SORT1: variants seen among roughly 807,000 people sequenced by gnomAD.
SORT1 encodes sortilin.
SORT1 carries 39 observed loss-of-function variants against 101.7 expected under a neutral mutation model. The observed-to-expected ratio is 0.38, with a 90% CI of 0.30 to 0.50. The LOEUF (loss-of-function observed/expected upper bound fraction) is 0.50, where lower values mean the gene tolerates loss of function less well. SORT1 is among the 20% of genes least tolerant of loss of function. The pLI, the probability that SORT1 is intolerant of heterozygous loss-of-function variation, is 0.90. For synonymous variants in SORT1, 396 were observed against 393.7 expected (o/e 1.01, Z -0.07); for missense variants, 878 against 1,040.4 (o/e 0.84, Z 2.15).
rs956982252 is a variant in SORT1, at chr1:109,397,864, C to T, written c.29G>A (p.Gly10Asp). The change falls in exon 1 of 20, where the codon GGC becomes GAC. Residue 10 changes from glycine (G) to aspartate (D), a missense_variant. This residue lies in a region of SORT1 where 194 missense variants were observed against 145.9 expected (regional missense o/e 1.33). Coordinates refer to ENST00000256637, the MANE Select transcript of SORT1 (RefSeq NM_002959.7). ...GAGGCCATGGGGCCAGCGCGAGAGGCCGTCCGCAGCTCCCCAGGGCCGCTC... is the reference window on the plus strand; with the variant it reads ...GAGGCCATGGGGCCAGCGCGAGAGGTCGTCCGCAGCTCCCCAGGGCCGCTC... Reference protein sequence around the residue: MERPWGAADGLSRWPHGLGL... With the variant: MERPWGAADDLSRWPHGLGL... The T allele has an allele frequency of 1.5e-5, 19 of 1,274,116 alleles. No homozygotes were observed. The highest frequency in any genetic ancestry group is 1.7e-5 in the Non-Finnish European group (17 of 1,000,054). 78.9% of individuals were successfully genotyped at this position (1,274,116 alleles called of 1,614,324 possible).
intron 17 of SORT1, among the ~76,000 whole-genome samples, chr1:109,316,417 G>A (rs752190382): frequency 3.9e-5 from 6 of 152,076 alleles, no homozygotes; most frequent in Admixed American, 2.6e-4. Context: ...ATTTTTAGCA[G>A]AGACAGGGTT....
intron 1 of SORT1, among the ~76,000 whole-genome samples, chr1:109,393,826 C>A (rs1306000101): frequency 1.3e-5 from 2 of 151,822 alleles, no homozygotes; most frequent in Non-Finnish European, 2.9e-5. Flanking sequence ...TAACTCATTA[C>A]AAATACAATA....
chr1:109,364,669 G>C (rs1650963496), intron 3 of SORT1, among the ~76,000 whole-genome samples: 1 of 152,194 alleles, frequency 6.6e-6, no homozygotes, highest in Non-Finnish European at 1.5e-5. Context: ...AGGGGCTAGG[G>C]GGTGCAGTGT....
chr1:109,340,835 C>T lies in SORT1; in HGVS notation c.1153G>A (p.Val385Ile). 1 of 1,613,876 alleles carries T rather than the reference C, an allele frequency of 6.2e-7. No homozygotes were observed. The highest frequency in any genetic ancestry group is 8.5e-7 in the Non-Finnish European group (1 of 1,179,898). ...TGTCGGTCCAAAGACTTGGAATAGACAATGCCTCGATCATCTGAGGTAAAG... is the reference window on the plus strand; with the variant it reads ...TGTCGGTCCAAAGACTTGGAATAGATAATGCCTCGATCATCTGAGGTAAAG... ...TIFTSDDRGI[V>I]YSKSLDRHLY... The change falls in exon 10 of 20, where the codon GTC becomes ATC. Residue 385 changes from valine (V) to isoleucine (I), a missense_variant. Val to Ile is a conservative substitution (Grantham distance 29). Coordinates refer to ENST00000256637, the MANE Select transcript of SORT1 (RefSeq NM_002959.7).
rs1218939949 is a variant in SORT1, at chr1:109,313,728, C to T, written c.*315G>A. 8 of 393,860 alleles carry T rather than the reference C, an allele frequency of 2.0e-5. No individual in the cohort carries two copies. In the East Asian group the frequency reaches 2.5e-4, roughly 13 times the overall value. The allele number at this position is 393,860 out of a possible 1,614,324, so 24.4% of individuals were successfully genotyped here. A position where few individuals can be genotyped will look rare whatever the true frequency, so the allele number is the denominator to read the frequency against. On this transcript the variant is annotated 3_prime_UTR_variant, in exon 20 of 20. Transcript: ENST00000256637. Reference sequence around the variant, plus strand: ...AGTGGGGTTAGTGAAAAGGTCCCTTCGAATTCCATTTCGTTTCCCTTAAAA... The same window carrying T: ...AGTGGGGTTAGTGAAAAGGTCCCTTTGAATTCCATTTCGTTTCCCTTAAAA...
In SORT1 at chr1:109,332,450, G is replaced by A. The variant is rs59030983; in HGVS notation, c.1371+3790C>T. Reference sequence around the variant, plus strand: ...AGTACCAAAATTAGACAGGTGTGGTGGTACACACCTAGCTACTTGGGACGT... The same window carrying A: ...AGTACCAAAATTAGACAGGTGTGGTAGTACACACCTAGCTACTTGGGACGT... On this transcript the variant is annotated intron_variant, in intron 11 of 19. Transcript: ENST00000256637. Among the ~76,000 whole-genome samples, 765 of 152,164 alleles carry A rather than the reference G, an allele frequency of 5.0e-3. 10 individuals are homozygous for A. Among genetic ancestry groups the A allele is most frequent in the African/African-American group, 0.018 (735 of 41,500 alleles).
chr1:109,314,212 G>T, intron 19 of SORT1, 49 bp downstream of exon 19: 3 of 1,175,520 alleles, frequency 2.6e-6, no homozygotes, highest in Non-Finnish European at 3.6e-6. Context: ...TTATTTTCTT[G>T]TATTTTTTGG....
chr1:109,393,008 G>A (rs1463980797), intron 1 of SORT1: 12 of 985,298 alleles, frequency 1.2e-5, no homozygotes, highest in East Asian at 1.1e-4. Flanking sequence ...AGGAAGTTCC[G>A]GGGCATTAAA....
intron 15 of SORT1, among the ~76,000 whole-genome samples, chr1:109,322,706 G>T (rs555748534): frequency 8.3e-4 from 126 of 151,912 alleles, no homozygotes; most frequent in South Asian, 3.9e-3. Flanking sequence ...ATTTTTTTTT[G>T]TTTGTTTGTT....
chr1:109,326,088 T>G (rs1446863798), intron 13 of SORT1, among the ~76,000 whole-genome samples: 1 of 149,636 alleles, frequency 6.7e-6, no homozygotes, highest in Non-Finnish European at 1.5e-5. Flanking sequence ...GATCTCACTC[T>G]GTCACCCAGG....
At chr1:109,333,598 A>G (rs1648602448) in intron 11 of SORT1, among the ~76,000 whole-genome samples, 1 of 152,230 alleles carries the variant, frequency 6.6e-6, no homozygotes, top group Non-Finnish European at 1.5e-5. Flanking sequence ...GGACCTGAAC[A>G]GCCATTTATC....
At chr1:109,347,132 CAG>C (rs1295740912) in intron 7 of SORT1, among the ~76,000 whole-genome samples, 1 of 152,256 alleles carries the variant, frequency 6.6e-6, no homozygotes, top group Admixed American at 6.5e-5. Context: ...GAAGTTGTGT[CAG>C]AGTTTGGGAA....
intron 9 of SORT1, 45 bp from the exon 10 acceptor site, chr1:109,340,924 C>A (rs761131299): frequency 1.3e-6 from 2 of 1,512,816 alleles, no homozygotes; most frequent in South Asian, 1.2e-5. Context: ...TGGGTGGAAC[C>A]AAAGAGAAAA....
chr1:109,377,859 A>G (rs1229114634), intron 1 of SORT1, among the ~76,000 whole-genome samples: 3 of 152,202 alleles, frequency 2.0e-5, no homozygotes, highest in Non-Finnish European at 2.9e-5. Flanking sequence ...AAAGAACACC[A>G]CAAATAAAAT....
chr1:109,393,147 T>G, intron 1 of SORT1: 1 of 985,466 alleles, frequency 1.0e-6, no homozygotes. Flanking sequence ...GACTCAACCC[T>G]GCCAGAGCCA....
intron 1 of SORT1, among the ~76,000 whole-genome samples, chr1:109,387,456 G>A (rs1652636032): frequency 6.6e-6 from 1 of 152,010 alleles, no homozygotes; most frequent in African/African-American, 2.4e-5. Flanking sequence ...TTACACCCCT[G>A]CACTCCAGTC....
Sources: allele counts gnomAD v4.1 joint callset (sites outside exome capture counted in the v4.1 genomes callset), GRCh38; gene constraint gnomAD v4.1.1; regional missense constraint gnomAD v4.1.1; transcripts MANE v1.5; gene names NCBI Gene and HGNC (gene_info 2026-07-23, HGNC 2026-07-21).